The following PRELID2 variants were observed in gnomAD, a reference collection of about 807,000 sequenced individuals.
The protein encoded by PRELID2 is PRELI domain-containing protein 2.
PRELID2 carries 25 observed loss-of-function variants against 28.4 expected under a neutral mutation model. That is an observed-to-expected ratio of 0.88 (90% confidence interval 0.64 to 1.23). PRELID2 has a LOEUF of 1.23. PRELID2 is among the 50% of genes most tolerant of loss of function. The pLI, the probability that PRELID2 is intolerant of heterozygous loss-of-function variation, is 0.00. For synonymous variants in PRELID2, 76 were observed against 71.6 expected (o/e 1.06, Z -0.31); for missense variants, 201 against 214.4 (o/e 0.94, Z 0.39).
the PRELID2 span, among the ~76,000 whole-genome samples, chr5:145,331,801 A>T: frequency 9.2e-5 from 14 of 152,212 alleles, no homozygotes; most frequent in African/African-American, 3.4e-4. Context: ...TGTAAATTTG[A>T]TCCTGTCATT....
chr5:145,416,116 T>C, the PRELID2 span, among the ~76,000 whole-genome samples: 1 of 152,138 alleles, frequency 6.6e-6, no homozygotes, highest in African/African-American at 2.4e-5. Context: ...TCACCCACTT[T>C]TTGATGGGGT....
At chr5:145,250,148 A>G in the PRELID2 span, among the ~76,000 whole-genome samples, 3 of 152,216 alleles carry the variant, frequency 2.0e-5, no homozygotes, top group East Asian at 5.8e-4. Context: ...CAGGGGAGAA[A>G]CCATTACTCT....
the PRELID2 span, among the ~76,000 whole-genome samples, chr5:145,298,118 ACTT>A: frequency 6.6e-6 from 1 of 152,136 alleles, no homozygotes; most frequent in East Asian, 1.9e-4. Context: ...GGAAAAAACT[ACTT>A]TAAAGTTCAT....
chr5:145,768,836 T>A (rs982999840), intron 5 of PRELID2, among the ~76,000 whole-genome samples: 33 of 152,152 alleles, frequency 2.2e-4, no homozygotes, highest in African/African-American at 7.7e-4. Flanking sequence ...CTTTCCCTTT[T>A]TCCCCCCCTC....
the PRELID2 span, among the ~76,000 whole-genome samples, chr5:145,302,962 A>G: frequency 1.3e-5 from 2 of 152,288 alleles, no homozygotes; most frequent in Non-Finnish European, 1.5e-5. Flanking sequence ...AGCATAACAC[A>G]TATCTCCTCT....
chr5:145,501,961 C>T (rs138018898), intron 1 of PRELID2, among the ~76,000 whole-genome samples: 32 of 152,294 alleles, frequency 2.1e-4, no homozygotes, highest in African/African-American at 7.5e-4. Flanking sequence ...ATCTCTCTCA[C>T]TCTCTCTTTC....
chr5:145,665,578 T>G (rs146293932), intron 1 of PRELID2, among the ~76,000 whole-genome samples: 1 of 152,258 alleles, frequency 6.6e-6, no homozygotes, highest in East Asian at 1.9e-4. Flanking sequence ...ATTACTCTTA[T>G]GCTTATGTTC....
At chr5:145,830,615 C>T (rs1447990897) in intron 1 of PRELID2, among the ~76,000 whole-genome samples, 2 of 152,222 alleles carry the variant, frequency 1.3e-5, no homozygotes, top group Non-Finnish European at 2.9e-5. Flanking sequence ...AACCAAAATA[C>T]ACTGTCAAGT....
chr5:145,528,772 C>T (rs1343444875), intron 1 of PRELID2, among the ~76,000 whole-genome samples: 1 of 151,568 alleles, frequency 6.6e-6, no homozygotes, highest in Non-Finnish European at 1.5e-5. Flanking sequence ...CTCACTCACA[C>T]ACAAGAGAGA....
intron 1 of PRELID2, among the ~76,000 whole-genome samples, chr5:145,722,307 G>T (rs1162083817): frequency 6.6e-6 from 1 of 151,972 alleles, no homozygotes; most frequent in Non-Finnish European, 1.5e-5. Context: ...AAATAATTTG[G>T]GATTTTTTCT....
chr5:145,637,688 T>C (rs879297570), intron 1 of PRELID2, among the ~76,000 whole-genome samples: 1 of 152,052 alleles, frequency 6.6e-6, no homozygotes, highest in Non-Finnish European at 1.5e-5. Flanking sequence ...AGTAAGAGTG[T>C]GGGAGGAAAC....
chr5:145,408,229 T>C, the PRELID2 span, among the ~76,000 whole-genome samples: 1 of 151,924 alleles, frequency 6.6e-6, no homozygotes, highest in Admixed American at 6.6e-5. Flanking sequence ...TCTGGTAATA[T>C]GACAAAACAA....
At chr5:145,336,596 T>TAC in the PRELID2 span, among the ~76,000 whole-genome samples, 3 of 152,206 alleles carry the variant, frequency 2.0e-5, no homozygotes, top group East Asian at 3.9e-4. Context: ...ATATGTGGCG[T>TAC]TATTTCTGAG....
At chr5:145,568,243 GA>G (rs1752985150) in intron 1 of PRELID2, among the ~76,000 whole-genome samples, 3 of 152,162 alleles carry the variant, frequency 2.0e-5, no homozygotes, top group Non-Finnish European at 4.4e-5. Flanking sequence ...CTCTAATAGA[GA>G]CCCCTCCACA....
the PRELID2 span, among the ~76,000 whole-genome samples, chr5:145,381,297 A>C: frequency 6.6e-6 from 1 of 152,208 alleles, no homozygotes; most frequent in Non-Finnish European, 1.5e-5. Flanking sequence ...GAAAAACTTC[A>C]GAACTTTCAG....
chr5:145,757,453 T>G lies in PRELID2; in HGVS notation c.*3083A>C, dbSNP rs1757292227. 6.6e-6 allele frequency among the ~76,000 whole-genome samples: 1 copy of G among 152,174 alleles called. No individual in the cohort carries two copies. Among genetic ancestry groups the G allele is most frequent in the African/African-American group, 2.4e-5 (1 of 41,436 alleles). The stretch of plus-strand genomic sequence containing the variant: ...AAAGATTTCTGGTACATGTGAAGTC[T>G]GAGAATCACAGGGTAAATCATCGCC... On this transcript the variant is annotated 3_prime_UTR_variant, in exon 7 of 7. Coordinates refer to ENST00000683046, the MANE Select transcript of PRELID2 (RefSeq NM_205846.3).
intron 1 of PRELID2, among the ~76,000 whole-genome samples, chr5:145,569,072 C>A (rs1412046831): frequency 3.3e-5 from 5 of 152,198 alleles, no homozygotes; most frequent in Non-Finnish European, 7.3e-5. Flanking sequence ...TACATCATCA[C>A]CTAGAACATC....
chr5:145,248,782 C>T, the PRELID2 span, among the ~76,000 whole-genome samples: 5 of 151,958 alleles, frequency 3.3e-5, no homozygotes, highest in Admixed American at 6.6e-5. Context: ...AGCAACAGAG[C>T]GAGATTCTAT....
intron 1 of PRELID2, among the ~76,000 whole-genome samples, chr5:145,499,189 A>G (rs554860724): frequency 2.6e-5 from 4 of 152,224 alleles, no homozygotes; most frequent in African/African-American, 9.6e-5. Context: ...CTGAGGATGC[A>G]GTGACCTATG....
Sources: allele counts gnomAD v4.1 joint callset (sites outside exome capture counted in the v4.1 genomes callset), GRCh38; gene constraint gnomAD v4.1.1; transcripts MANE v1.5; gene names NCBI Gene and HGNC (gene_info 2026-07-23, HGNC 2026-07-21).